Variants in UNC13C observed in about 807,000 individuals in gnomAD.
The protein encoded by UNC13C is unc-13 homolog C, also known as protein unc-13 homolog C.
UNC13C carries 174 observed loss-of-function variants against 245.4 expected under a neutral mutation model. The observed-to-expected ratio is 0.71, with a 90% confidence interval of 0.63 to 0.80. The LOEUF is 0.80. UNC13C is among the 30% of genes least tolerant of loss of function. The pLI, the probability that UNC13C is intolerant of heterozygous loss-of-function variation, is 0.00. For missense variants in UNC13C, 2,829 were observed against 2,602.9 expected, an observed-to-expected ratio of 1.09 and a Z score of -1.89; for synonymous variants, 992 against 895.1, an observed-to-expected ratio of 1.11 and a Z score of -1.93.
chr15:54,452,948 GA>G (rs1057486060), intron 19 of UNC13C, among the ~76,000 whole-genome samples: 3 of 152,200 alleles, frequency 2.0e-5, no homozygotes, highest in African/African-American at 7.2e-5. Flanking sequence ...CTCAGCAGGG[GA>G]TGACAATGGG....
intron 8 of UNC13C, among the ~76,000 whole-genome samples, chr15:54,255,682 G>A (rs1030202148): frequency 6.6e-6 from 1 of 151,682 alleles, no homozygotes; most frequent in Non-Finnish European, 1.5e-5. Context: ...AGGGTTTCTT[G>A]GGAAATGCAA....
intron 2 of UNC13C, among the ~76,000 whole-genome samples, chr15:54,093,890 A>G (rs886267899): frequency 3.3e-5 from 5 of 152,206 alleles, no homozygotes; most frequent in Admixed American, 6.5e-5. Flanking sequence ...GTAAGTAAAT[A>G]TATTAAAAAT....
At chr15:54,252,581 A>G (rs2036180453) in intron 8 of UNC13C, among the ~76,000 whole-genome samples, 1 of 152,166 alleles carries the variant, frequency 6.6e-6, no homozygotes, top group African/African-American at 2.4e-5. Flanking sequence ...GATAACTATC[A>G]ATAAAATTTG....
At chr15:54,456,672 C>G (rs1229376053) in intron 19 of UNC13C, among the ~76,000 whole-genome samples, 1 of 150,942 alleles carries the variant, frequency 6.6e-6, no homozygotes, top group Admixed American at 6.6e-5. Context: ...TGATTTGATT[C>G]TCATCTTGGT....
chr15:54,201,688 C>A (rs1353173817), intron 4 of UNC13C, among the ~76,000 whole-genome samples: 2 of 151,910 alleles, frequency 1.3e-5, no homozygotes, highest in East Asian at 3.9e-4. Context: ...CCATCTAGGA[C>A]AAACCCACAG....
intron 2 of UNC13C, among the ~76,000 whole-genome samples, chr15:54,134,873 A>G (rs2031650171): frequency 6.6e-6 from 1 of 152,100 alleles, no homozygotes; most frequent in South Asian, 2.1e-4. Context: ...TTCTAGTTTT[A>G]TGTTTTTGAG....
intron 19 of UNC13C, among the ~76,000 whole-genome samples, chr15:54,454,483 C>A (rs1206949649): frequency 6.6e-6 from 1 of 151,514 alleles, no homozygotes; most frequent in Admixed American, 6.6e-5. Context: ...GAGGCTGAGG[C>A]TGGAGAATCA....
At chr15:53,899,014 T>G in the UNC13C span, among the ~76,000 whole-genome samples, 2 of 152,032 alleles carry the variant, frequency 1.3e-5, no homozygotes, top group Admixed American at 1.3e-4. Flanking sequence ...GTTTTGTGCT[T>G]ATCTCTACTG....
the UNC13C span, among the ~76,000 whole-genome samples, chr15:53,870,681 A>C: frequency 1.3e-5 from 2 of 152,188 alleles, no homozygotes; most frequent in Non-Finnish European, 2.9e-5. Context: ...GCAAGAGTTC[A>C]GCACTTCATG....
intron 2 of UNC13C, among the ~76,000 whole-genome samples, chr15:54,040,107 A>G (rs1896750112): frequency 1.3e-5 from 2 of 151,966 alleles, no homozygotes; most frequent in Non-Finnish European, 2.9e-5. Context: ...GAAACCTTCA[A>G]TCACTCTGTT....
At chr15:54,201,055 A>G (rs571529745) in intron 4 of UNC13C, among the ~76,000 whole-genome samples, 2 of 152,174 alleles carry the variant, frequency 1.3e-5, no homozygotes, top group South Asian at 2.1e-4. Flanking sequence ...CATAAACTAG[A>G]AAACCTAAAG....
the UNC13C span, among the ~76,000 whole-genome samples, chr15:53,923,857 A>G: frequency 3.9e-5 from 6 of 152,252 alleles, no homozygotes; most frequent in African/African-American, 1.4e-4. Flanking sequence ...ATGAGCAACC[A>G]ATAGCAATTT....
At chr15:54,580,331 G>C (rs1305575190) in intron 30 of UNC13C, among the ~76,000 whole-genome samples, 5 of 152,172 alleles carry the variant, frequency 3.3e-5, no homozygotes, top group Admixed American at 3.3e-4. Context: ...ATCTATCTTA[G>C]AATAAGGAAT....
At chr15:54,446,768 T>A (rs1441294573) in intron 19 of UNC13C, among the ~76,000 whole-genome samples, 1 of 152,202 alleles carries the variant, frequency 6.6e-6, no homozygotes, top group African/African-American at 2.4e-5. Context: ...TTTTCCCAGT[T>A]GAACGCCCTT....
intron 10 of UNC13C, among the ~76,000 whole-genome samples, chr15:54,290,066 C>T (rs1000809158): frequency 2.0e-5 from 3 of 152,100 alleles, no homozygotes; most frequent in African/African-American, 7.2e-5. Context: ...CAGTTTCAAA[C>T]CCATCACAAC....
chr15:54,078,418 T>C (rs1235840588), intron 2 of UNC13C, among the ~76,000 whole-genome samples: 5 of 152,242 alleles, frequency 3.3e-5, no homozygotes, highest in Non-Finnish European at 7.3e-5. Flanking sequence ...CTCTATACTC[T>C]TGTTCATAGA....
intron 19 of UNC13C, among the ~76,000 whole-genome samples, chr15:54,484,519 T>C (rs11854826): frequency 0.41 from 62,363 of 151,156 alleles, 13,024 homozygotes; most frequent in East Asian, 0.63. Flanking sequence ...ACATTATCAG[T>C]AAAGTAAGTA....
chr15:54,599,301 T>C (rs1179337895), intron 30 of UNC13C, among the ~76,000 whole-genome samples: 1 of 152,046 alleles, frequency 6.6e-6, no homozygotes, highest in African/African-American at 2.4e-5. Context: ...CTAATAAACA[T>C]GAGGGTTTAT....
intron 4 of UNC13C, among the ~76,000 whole-genome samples, chr15:54,209,848 G>C (rs1357440500): frequency 6.6e-6 from 1 of 152,034 alleles, no homozygotes; most frequent in Non-Finnish European, 1.5e-5. Flanking sequence ...CTTTAGAATT[G>C]GGATAGTCAA....
Sources: gnomAD v4.1 joint callset for allele counts (sites outside exome capture counted in the v4.1 genomes callset) on GRCh38, gnomAD v4.1.1 for gene constraint, MANE v1.5 for transcripts, NCBI Gene and HGNC (gene_info 2026-07-23, HGNC 2026-07-21) for gene names.